The following CNBD1 variants were observed in gnomAD, a reference collection of about 807,000 sequenced individuals.
CNBD1 encodes the protein cyclic nucleotide-binding domain-containing protein 1.
In CNBD1, 71 loss-of-function variants were observed where a neutral mutation model predicts 54.4. That is an observed-to-expected ratio of 1.30 (90% CI 1.08 to 1.59). CNBD1 has a LOEUF of 1.59. Among genes scored for constraint, CNBD1 ranks in the 40% most tolerant of loss-of-function variants. The pLI is 0.00. For synonymous variants in CNBD1, 182 were observed against 170.7 expected (o/e 1.07, Z -0.51); for missense variants, 659 against 518.0 (o/e 1.27, Z -2.64).
chr8:87,291,644 A>G (rs557925465), intron 8 of CNBD1, among the ~76,000 whole-genome samples: 2 of 151,966 alleles, frequency 1.3e-5, no homozygotes, highest in South Asian at 2.1e-4. Flanking sequence ...TAATCGCCTT[A>G]TTTTTTGGGG....
chr8:87,423,167 G>C (rs547909036), intron 2 of CNBD1, among the ~76,000 whole-genome samples: 2 of 152,182 alleles, frequency 1.3e-5, no homozygotes, highest in Non-Finnish European at 2.9e-5. Flanking sequence ...GCTTTAAGGA[G>C]ATTTTGGGCT....
chr8:86,941,202 A>G (rs1385110302), intron 4 of CNBD1, among the ~76,000 whole-genome samples: 3 of 152,160 alleles, frequency 2.0e-5, no homozygotes, highest in Non-Finnish European at 4.4e-5. Flanking sequence ...TAAAGCAGGT[A>G]TGAGGGAATT....
intron 6 of CNBD1, among the ~76,000 whole-genome samples, chr8:87,266,485 C>G (rs529915735): frequency 5.3e-5 from 4 of 76,168 alleles, no homozygotes; most frequent in Admixed American, 2.4e-4. Flanking sequence ...GAGTTTTGCT[C>G]TTGCTGCCCA....
At chr8:87,063,868 A>C (rs2130643025) in intron 4 of CNBD1, among the ~76,000 whole-genome samples, 1 of 152,126 alleles carries the variant, frequency 6.6e-6, no homozygotes, top group South Asian at 2.1e-4. Flanking sequence ...ATGCTATTAT[A>C]AATGATATAT....
intron 4 of CNBD1, among the ~76,000 whole-genome samples, chr8:87,066,645 T>A (rs1298968269): frequency 6.6e-6 from 1 of 151,952 alleles, no homozygotes; most frequent in African/African-American, 2.4e-5. Context: ...TGCATCTTTA[T>A]ACAATTCCAG....
intron 9 of CNBD1, among the ~76,000 whole-genome samples, chr8:87,352,302 A>G (rs1328722358): frequency 6.6e-6 from 1 of 152,028 alleles, no homozygotes; most frequent in East Asian, 1.9e-4. Flanking sequence ...AACATGGCAA[A>G]ACCCTGTCTT....
At chr8:87,370,177 G>A (rs372962933) in intron 10 of CNBD1, among the ~76,000 whole-genome samples, 8 of 151,600 alleles carry the variant, frequency 5.3e-5, no homozygotes, top group Admixed American at 1.3e-4. Context: ...GAATAGTGCC[G>A]CAATAAACAT....
intron 8 of CNBD1, among the ~76,000 whole-genome samples, chr8:87,348,918 T>C (rs1441725506): frequency 2.6e-5 from 4 of 152,202 alleles, no homozygotes; most frequent in Non-Finnish European, 5.9e-5. Context: ...ATCCTTCTGA[T>C]ATTCTTCTTT....
Position 87,050,027 on chromosome 8 carries a change from A to G in CNBD1, c.431+110273A>G, listed in dbSNP as rs145810535. ...GATTGAATGCCTTTCCTATGGGAAG[A>G]CTAAGGGCCAGTGCTTTAAGTAAGG... On this transcript the variant is annotated intron_variant, in intron 4 of 10. Transcript: ENST00000518476. Among the ~76,000 whole-genome samples the G allele has an allele frequency of 1.7e-4, 26 of 152,246 alleles. No individual in the cohort carries two copies. The South Asian group carries it at 2.7e-3, about 16-fold the overall frequency.
intron 2 of CNBD1, among the ~76,000 whole-genome samples, chr8:86,904,863 CATT>C (rs1808992156): frequency 6.6e-6 from 1 of 151,986 alleles, no homozygotes; most frequent in South Asian, 2.1e-4. Context: ...TTGACATTGA[CATT>C]ATCATACATT....
At chr8:87,386,186 A>T (rs942734208), downstream of CNBD1, among the ~76,000 whole-genome samples, 12 of 152,164 alleles carry the variant, frequency 7.9e-5, no homozygotes, top group Non-Finnish European at 1.0e-4. Flanking sequence ...AAAAACTGGA[A>T]ACTCTAAAAA....
intron 3 of CNBD1, among the ~76,000 whole-genome samples, chr8:86,921,407 A>T (rs781770720): frequency 4.5e-4 from 68 of 152,136 alleles, no homozygotes; most frequent in Non-Finnish European, 1.9e-4. Context: ...TAAAAATAAA[A>T]CTTACACTAT....
At chr8:87,317,471 T>G (rs551519065) in intron 8 of CNBD1, among the ~76,000 whole-genome samples, 1 of 151,918 alleles carries the variant, frequency 6.6e-6, no homozygotes, top group South Asian at 2.1e-4. Context: ...TCAAGTAAAT[T>G]TTTAAATTTT....
At chr8:87,131,549 T>A (rs1290482385) in intron 4 of CNBD1, among the ~76,000 whole-genome samples, 2 of 152,082 alleles carry the variant, frequency 1.3e-5, no homozygotes, top group Non-Finnish European at 2.9e-5. Flanking sequence ...CATTAAGCAT[T>A]TAAAGCTATT....
intron 8 of CNBD1, among the ~76,000 whole-genome samples, chr8:87,304,500 G>T (rs964943602): frequency 3.3e-5 from 5 of 151,890 alleles, no homozygotes; most frequent in African/African-American, 9.7e-5. Flanking sequence ...GTGGGGTGAG[G>T]GGGGAGAGAT....
chr8:87,049,614 C>A (rs1810272132), intron 4 of CNBD1, among the ~76,000 whole-genome samples: 1 of 152,182 alleles, frequency 6.6e-6, no homozygotes, highest in African/African-American at 2.4e-5. Context: ...GAGATCCTCC[C>A]TGGCTTCATA....
At chr8:87,014,709 A>G (rs1809317138) in intron 4 of CNBD1, among the ~76,000 whole-genome samples, 1 of 152,014 alleles carries the variant, frequency 6.6e-6, no homozygotes, top group Non-Finnish European at 1.5e-5. Context: ...TAAAAATTAT[A>G]GGAATACTTT....
At chr8:87,204,304 T>G (rs1456650560) in intron 4 of CNBD1, among the ~76,000 whole-genome samples, 1 of 152,214 alleles carries the variant, frequency 6.6e-6, no homozygotes, top group Non-Finnish European at 1.5e-5. Flanking sequence ...ATTTCTGTGC[T>G]TATTCCTTGT....
At chr8:87,230,565 C>T (rs2130820110) in intron 5 of CNBD1, among the ~76,000 whole-genome samples, 1 of 152,184 alleles carries the variant, frequency 6.6e-6, no homozygotes, top group South Asian at 2.1e-4. Context: ...TACTTTGTAA[C>T]TTTTGACAAG....
Sources: allele counts gnomAD v4.1 joint callset (sites outside exome capture counted in the v4.1 genomes callset), GRCh38; gene constraint gnomAD v4.1.1; transcripts MANE v1.5; gene names NCBI Gene and HGNC (gene_info 2026-07-23, HGNC 2026-07-21).